ZBTB10: variants seen among roughly 807,000 people sequenced by gnomAD.
ZBTB10 encodes the protein zinc finger and BTB domain containing 10.
A neutral mutation model predicts 76.4 loss-of-function variants in ZBTB10; 32 were observed. The ratio of observed to expected loss-of-function variants is 0.42; its 90% confidence interval spans 0.32 to 0.56. The LOEUF (loss-of-function observed/expected upper bound fraction) is 0.56, where lower values mean the gene tolerates loss of function less well. ZBTB10 is among the 20% of genes least tolerant of loss of function. The probability of loss-of-function intolerance (pLI) is 0.14; values close to 1 mark genes in which losing one functional copy is unlikely to be tolerated. For missense variants in ZBTB10, 1,057 were observed against 1,098.5 expected (o/e 0.96, Z 0.53); for synonymous variants, 523 against 432.9 (o/e 1.21, Z -2.58).
intron 2 of ZBTB10, among the ~76,000 whole-genome samples, chr8:80,505,972 GA>G: frequency 6.7e-6 from 1 of 149,820 alleles, no homozygotes; most frequent in South Asian, 2.1e-4. Flanking sequence ...TGTTGCCAAG[GA>G]GACTGGTCTC....
chr8:80,498,560 ACC>A (rs1181751861), intron 1 of ZBTB10, among the ~76,000 whole-genome samples: 3 of 152,192 alleles, frequency 2.0e-5, no homozygotes, highest in Non-Finnish European at 2.9e-5. Flanking sequence ...GAGGGAGCTT[ACC>A]CACCTAGTCA....
intron 3 of ZBTB10, 135 bp from the exon 4 acceptor site, chr8:80,518,268 T>C: frequency 1.2e-6 from 1 of 845,862 alleles, no homozygotes. Context: ...TAGACTAAAA[T>C]ACAGTTTTAT....
At chr8:80,493,811 C>T (rs1046002820) in intron 1 of ZBTB10, among the ~76,000 whole-genome samples, 11 of 152,104 alleles carry the variant, frequency 7.2e-5, no homozygotes, top group South Asian at 2.1e-4. Flanking sequence ...ACAACAAGAG[C>T]GAAACTTCGT....
intron 1 of ZBTB10, among the ~76,000 whole-genome samples, chr8:80,494,566 T>C (rs1245272132): frequency 6.6e-6 from 1 of 152,184 alleles, no homozygotes; most frequent in Non-Finnish European, 1.5e-5. Context: ...TCACACCTCA[T>C]TGACACCTAT....
chr8:80,510,728 A>C (rs953424417), intron 2 of ZBTB10, among the ~76,000 whole-genome samples: 10 of 151,660 alleles, frequency 6.6e-5, no homozygotes, highest in African/African-American at 2.4e-4. Flanking sequence ...CTAATGTTTG[A>C]ATTAGTCTTC....
chr8:80,521,030 A>G lies in ZBTB10; in HGVS notation c.*1502A>G, dbSNP rs752879285. The G allele has an allele frequency of 7.9e-5, 12 of 151,956 alleles. No homozygotes were observed. Among genetic ancestry groups the G allele is most frequent in the Non-Finnish European group, 1.5e-4 (10 of 67,836 alleles). 9.4% of individuals were successfully genotyped at this position (151,956 alleles called of 1,614,324 possible). Reference sequence around the variant, plus strand: ...ATCAGGTAACTAAATTATGCTAGTTATGTGGAAAAAATTGCAAAGATGCTT... The same window carrying G: ...ATCAGGTAACTAAATTATGCTAGTTGTGTGGAAAAAATTGCAAAGATGCTT... On this transcript the variant is annotated 3_prime_UTR_variant, in exon 6 of 6. Coordinates refer to ENST00000455036, the MANE Select transcript of ZBTB10 (RefSeq NM_001105539.3).
intron 2 of ZBTB10, among the ~76,000 whole-genome samples, chr8:80,504,902 C>T (rs1326373501): frequency 6.6e-6 from 1 of 152,150 alleles, no homozygotes; most frequent in Non-Finnish European, 1.5e-5. Flanking sequence ...AACGTGTATT[C>T]ACACATGTTG....
Position 80,486,247 on chromosome 8 carries a change from A to G in ZBTB10, c.-564A>G. 2 of 1,029,268 alleles carry G rather than the reference A, an allele frequency of 1.9e-6. No individual in the cohort carries two copies. The highest frequency in any genetic ancestry group is 1.7e-5 in the African/African-American group (1 of 57,602). 63.8% of individuals were successfully genotyped at this position (1,029,268 alleles called of 1,614,324 possible). Reference sequence around the variant, plus strand: ...GTTCATTTGCCATTCGACCTCCGCCAGGGCCTGGTCGGACGGAAACGCTCC... The same window carrying G: ...GTTCATTTGCCATTCGACCTCCGCCGGGGCCTGGTCGGACGGAAACGCTCC... On this transcript the variant is annotated 5_prime_UTR_variant, in exon 1 of 6. Transcript: ENST00000455036.
At chr8:80,493,251 A>C (rs1815691175) in intron 1 of ZBTB10, among the ~76,000 whole-genome samples, 1 of 150,640 alleles carries the variant, frequency 6.6e-6, no homozygotes, top group African/African-American at 2.4e-5. Flanking sequence ...ACACAGCCTG[A>C]GGAAAGTGAA....
Position 80,522,034 on chromosome 8 carries a change from C to T in ZBTB10, c.*2506C>T, listed in dbSNP as rs1444728950. 4 of 151,582 alleles carry T rather than the reference C, an allele frequency of 2.6e-5. No homozygotes were observed. Among genetic ancestry groups the T allele is most frequent in the Non-Finnish European group, 4.4e-5 (3 of 67,758 alleles). The allele number at this position is 151,582 out of a possible 1,614,324, so 9.4% of individuals were successfully genotyped here. ...AATTTCTTTGAAGTAAACATTTTAC[C>T]GGAAACAGAATTGACAGATTTTTCT... is the stretch of plus-strand genomic sequence containing the variant. On this transcript the variant is annotated 3_prime_UTR_variant, in exon 6 of 6. Coordinates refer to ENST00000455036, the MANE Select transcript of ZBTB10 (RefSeq NM_001105539.3).
chr8:80,520,829 G>A lies in ZBTB10; in HGVS notation c.*1301G>A, dbSNP rs1053319492. 1 of 151,852 alleles carries A rather than the reference G, an allele frequency of 6.6e-6. No homozygotes were observed. Among genetic ancestry groups the A allele is most frequent in the Non-Finnish European group, 1.5e-5 (1 of 67,832 alleles). The allele number at this position is 151,852 out of a possible 1,614,324, so 9.4% of individuals were successfully genotyped here. A position where few individuals can be genotyped will look rare whatever the true frequency, so the allele number is the denominator to read the frequency against. ...AAGGGTGACATATTGAGGTGAAATT[G>A]TCAGATTTACTTAGCCTGGTGACAT... is the stretch of plus-strand genomic sequence containing the variant. On this transcript the variant is annotated 3_prime_UTR_variant, in exon 6 of 6. Transcript: ENST00000455036.
intron 1 of ZBTB10, 32 bp downstream of exon 1, chr8:80,487,814 A>G (rs1257461063): frequency 4.6e-6 from 7 of 1,520,742 alleles, no homozygotes; most frequent in Admixed American, 4.3e-5. Context: ...CTTTTTTGAG[A>G]TCTTTTAGGG....
intron 2 of ZBTB10, among the ~76,000 whole-genome samples, chr8:80,509,501 T>C (rs1175584958): frequency 6.6e-6 from 1 of 152,196 alleles, no homozygotes; most frequent in Non-Finnish European, 1.5e-5. Context: ...TTGTTTAATT[T>C]AGCATTCACA....
chr8:80,520,950 T>G lies in ZBTB10; in HGVS notation c.*1422T>G, dbSNP rs1338644784. The G allele has an allele frequency of 2.0e-5, 3 of 152,034 alleles. No individual in the cohort carries two copies. Among genetic ancestry groups the G allele is most frequent in the South Asian group, 2.1e-4 (1 of 4,824 alleles). The allele number at this position is 152,034 out of a possible 1,614,324, so 9.4% of individuals were successfully genotyped here. A position where few individuals can be genotyped will look rare whatever the true frequency, so the allele number is the denominator to read the frequency against. On this transcript the variant is annotated 3_prime_UTR_variant, in exon 6 of 6. Transcript: ENST00000455036. Reference sequence around the variant, plus strand: ...TTGTATATTATATAAGATTGAGGGATGTCATATTTTCAGCTTTCTTTTAAA... The same window carrying G: ...TTGTATATTATATAAGATTGAGGGAGGTCATATTTTCAGCTTTCTTTTAAA...
chr8:80,506,520 T>C (rs1816056851), intron 2 of ZBTB10, among the ~76,000 whole-genome samples: 1 of 150,878 alleles, frequency 6.6e-6, no homozygotes, highest in Admixed American at 6.6e-5. Flanking sequence ...GTTTTTTTCA[T>C]GTTGGTGAGG....
At chr8:80,487,829 G>A in intron 1 of ZBTB10, 47 bp downstream of exon 1, 1 of 1,509,866 alleles carries the variant, frequency 6.6e-7, no homozygotes, top group Non-Finnish European at 8.8e-7. Context: ...TTAGGGAAAG[G>A]TTTATCAGCA....
chr8:80,506,755 C>A (rs1404965923), intron 2 of ZBTB10, among the ~76,000 whole-genome samples: 2 of 152,206 alleles, frequency 1.3e-5, no homozygotes, highest in Non-Finnish European at 2.9e-5. Flanking sequence ...CTGAAAAATT[C>A]TGCATTCTAA....
At chr8:80,508,642 A>G (rs1380656177) in intron 2 of ZBTB10, among the ~76,000 whole-genome samples, 2 of 152,214 alleles carry the variant, frequency 1.3e-5, no homozygotes, top group African/African-American at 4.8e-5. Context: ...TAGAGAAGGC[A>G]GTGTGAGTGG....
At chr8:80,495,414 G>GTT (rs1420304692) in intron 1 of ZBTB10, among the ~76,000 whole-genome samples, 96 of 137,994 alleles carry the variant, frequency 7.0e-4, no homozygotes, top group African/African-American at 2.4e-3. Context: ...TTGTTTTGTT[G>GTT]TTTTTTTTTT....
Sources: allele counts gnomAD v4.1 joint callset (sites outside exome capture counted in the v4.1 genomes callset), GRCh38; gene constraint gnomAD v4.1.1; transcripts MANE v1.5; gene names NCBI Gene and HGNC (gene_info 2026-07-23, HGNC 2026-07-21).